Variants in GLYATL1B observed in about 807,000 individuals in gnomAD.
The protein encoded by GLYATL1B is putative glycine N-acyltransferase-like protein 1B.
In GLYATL1B, 6 loss-of-function variants were observed where a neutral mutation model predicts 5.5. The ratio of observed to expected loss-of-function variants is 1.09; its 90% CI spans 0.60 to 2.15. The LOEUF is 2.15. GLYATL1B is among the 30% of genes most tolerant of loss of function. The pLI is 0.00. For missense variants in GLYATL1B, 135 were observed against 94.1 expected (o/e 1.43, Z -1.80); for synonymous variants, 67 against 34.9 (o/e 1.92, Z -3.24).
chr11:59,087,373 G>A (rs116902710), intron 2 of GLYATL1B, among the ~76,000 whole-genome samples: 1 of 150,978 alleles, frequency 6.6e-6, no homozygotes, highest in Admixed American at 6.6e-5. Flanking sequence ...GGGAAAGGGG[G>A]TCAAGGGGGA....
chr11:59,087,593 C>G (rs1859216759), intron 2 of GLYATL1B, among the ~76,000 whole-genome samples: 1 of 152,088 alleles, frequency 6.6e-6, no homozygotes, highest in African/African-American at 2.4e-5. Flanking sequence ...ATCTGTAATC[C>G]CAGCACTTTG....
chr11:59,092,706 A>T (rs1859342454), intron 2 of GLYATL1B, among the ~76,000 whole-genome samples: 1 of 152,220 alleles, frequency 6.6e-6, no homozygotes, highest in African/African-American at 2.4e-5. Context: ...GATCACAAGT[A>T]TCTTTCTTTA....
At chr11:59,092,443 A>T (rs1015091413) in intron 2 of GLYATL1B, among the ~76,000 whole-genome samples, 1 of 152,170 alleles carries the variant, frequency 6.6e-6, no homozygotes, top group Non-Finnish European at 1.5e-5. Context: ...CGGTCTTTTA[A>T]AACATCTACT....
intron 2 of GLYATL1B, among the ~76,000 whole-genome samples, chr11:59,093,206 A>G (rs1045891607): frequency 6.6e-5 from 10 of 152,206 alleles, no homozygotes; most frequent in East Asian, 1.9e-4. Context: ...GTAAGTGTGC[A>G]GTTGAGTGGG....
intron 2 of GLYATL1B, 115 bp downstream of exon 2, chr11:59,087,286 A>G (rs1467161368): frequency 2.3e-6 from 1 of 435,664 alleles, no homozygotes; most frequent in African/African-American, 2.0e-5. Flanking sequence ...GAGTATTTTA[A>G]AACACTCCTT....
chr11:59,086,637 G>A (rs1232918818), intron 1 of GLYATL1B, among the ~76,000 whole-genome samples: 1 of 152,052 alleles, frequency 6.6e-6, no homozygotes, highest in Non-Finnish European at 1.5e-5. Context: ...ATCGGTTTGG[G>A]GCCAGATTCA....
intron 2 of GLYATL1B, among the ~76,000 whole-genome samples, chr11:59,088,200 C>G (rs771641868): frequency 3.9e-5 from 6 of 152,166 alleles, no homozygotes; most frequent in Non-Finnish European, 8.8e-5. Context: ...AAATGAGATA[C>G]CACATGTCAA....
chr11:59,090,251 C>T lies in GLYATL1B; in HGVS notation c.186+3080C>T, dbSNP rs544885772. ...CCTTCACTAATCTTTTTCTTGCTTT[C>T]CTATTTCTTATAAACTTCAGAGCTA... On this transcript the variant is annotated intron_variant, in intron 2 of 4. Transcript: ENST00000527482. 8.6e-5 allele frequency among the ~76,000 whole-genome samples: 13 copies of T among 151,964 alleles called. 1 individual carries two copies. In the South Asian group the frequency reaches 2.7e-3, roughly 32 times the overall value.
At chr11:59,089,089 A>G (rs1011277786) in intron 2 of GLYATL1B, among the ~76,000 whole-genome samples, 4 of 152,200 alleles carry the variant, frequency 2.6e-5, no homozygotes, top group African/African-American at 9.6e-5. Flanking sequence ...TGGCCATATT[A>G]ACACACAAAC....
In GLYATL1B at chr11:59,094,641, T is replaced by C. The variant is rs1044170348; in HGVS notation, c.764T>C (p.Leu255Pro). The C allele has an allele frequency of 3.2e-5, 14 of 433,754 alleles. No individual in the cohort carries two copies. Among genetic ancestry groups the C allele is most frequent in the Non-Finnish European group, 5.4e-5 (13 of 240,054 alleles). 26.9% of individuals were successfully genotyped at this position (433,754 alleles called of 1,614,324 possible). ...CTGATCATGCGATGCATGAAGTATC[T>C]GTGTCAGAAGAATATTCCATTTTAC... ...TRLIMRCMKY[L>P]CQKNIPFYGS... Residue 255 changes from leucine to proline, a missense_variant, in exon 5 of 5, where the codon CTG becomes CCG. Leu to Pro is a moderately conservative substitution (Grantham distance 98, BLOSUM62 -3). Transcript: ENST00000527482.
intron 2 of GLYATL1B, among the ~76,000 whole-genome samples, chr11:59,090,710 A>C (rs1432772775): frequency 5.3e-5 from 8 of 151,864 alleles, no homozygotes; most frequent in Non-Finnish European, 1.0e-4. Context: ...ATATTTTCTA[A>C]ATGTGTAATA....
chr11:59,091,848 GGTACAT>G (rs561289068), intron 2 of GLYATL1B, among the ~76,000 whole-genome samples: 188 of 152,120 alleles, frequency 1.2e-3, no homozygotes, highest in Middle Eastern at 6.8e-3. Flanking sequence ...AAAAAAACTT[GGTACAT>G]GTATTCCTAT....
intron 3 of GLYATL1B, 131 bp downstream of exon 3, chr11:59,093,786 A>C (rs951794359): frequency 1.9e-4 from 83 of 437,620 alleles, no homozygotes; most frequent in Middle Eastern, 5.8e-4. Context: ...GGAGAGGTGG[A>C]GCAATCTGTG....
chr11:59,092,784 T>C (rs1469121941), intron 2 of GLYATL1B, among the ~76,000 whole-genome samples: 1 of 152,216 alleles, frequency 6.6e-6, no homozygotes, highest in East Asian at 1.9e-4. Flanking sequence ...CTTCATTCTA[T>C]TTTGTGGGCT....
chr11:59,088,079 C>T (rs542407527), intron 2 of GLYATL1B, among the ~76,000 whole-genome samples: 7 of 152,308 alleles, frequency 4.6e-5, no homozygotes, highest in South Asian at 2.1e-4. Context: ...TCAAGTTCAA[C>T]GGACTCTGCC....
At chr11:59,089,723 A>AG (rs1217251681) in intron 2 of GLYATL1B, among the ~76,000 whole-genome samples, 12 of 152,284 alleles carry the variant, frequency 7.9e-5, no homozygotes, top group Admixed American at 7.8e-4. Flanking sequence ...TTTGGATATG[A>AG]GGGATACTAA....
At chr11:59,086,855 G>T (rs1162168615) in intron 1 of GLYATL1B, among the ~76,000 whole-genome samples, 1 of 152,154 alleles carries the variant, frequency 6.6e-6, no homozygotes, top group South Asian at 2.1e-4. Flanking sequence ...GTAGCTCTGT[G>T]GTATCACAAG....
chr11:59,090,548 T>C (rs1859286852), intron 2 of GLYATL1B, among the ~76,000 whole-genome samples: 1 of 151,912 alleles, frequency 6.6e-6, no homozygotes, highest in Admixed American at 6.6e-5. Context: ...TTAAGATTAT[T>C]AAATTATTTT....
Position 59,094,428 on chromosome 11 carries a change from A to T in GLYATL1B, c.551A>T (p.Asp184Val). The T allele has an allele frequency of 1.5e-6, 1 of 672,770 alleles. No individual in the cohort carries two copies. The highest frequency in any genetic ancestry group is 2.6e-5 in the East Asian group (1 of 38,528). 41.7% of individuals were successfully genotyped at this position (672,770 alleles called of 1,614,324 possible). ...GTGTCTTATTCTGGGCTGGTAAATG[A>T]CAACTGGAAGCTAGGGATGAATAAG... is the stretch of plus-strand genomic sequence containing the variant. ...LNVSYSGLVN[D>V]NWKLGMNKRS... Residue 184 changes from aspartate (D) to valine (V), a missense_variant, in exon 5 of 5, where the codon GAC becomes GTC. Coordinates refer to ENST00000527482, the MANE Select transcript of GLYATL1B (RefSeq NM_001355566.1).
Sources: gnomAD v4.1 joint callset for allele counts (sites outside exome capture counted in the v4.1 genomes callset) on GRCh38, gnomAD v4.1.1 for gene constraint, MANE v1.5 for transcripts, NCBI Gene and HGNC (gene_info 2026-07-23, HGNC 2026-07-21) for gene names.